ZC3H14: variants seen among roughly 807,000 people sequenced by gnomAD.
ZC3H14 encodes zinc finger CCCH-type containing 14, also known as zinc finger CCCH domain-containing protein 14.
Under a neutral mutation model 92.4 loss-of-function variants are expected in ZC3H14, and 31 were observed. The observed-to-expected ratio is 0.34, with a 90% CI of 0.25 to 0.45. The LOEUF (loss-of-function observed/expected upper bound fraction) is 0.45. Ranked by LOEUF, ZC3H14 falls within the 20% of genes least tolerant of loss-of-function variation. ZC3H14 has a pLI of 1.00. For missense variants in ZC3H14, 781 were observed against 897.3 expected (o/e 0.87, Z 1.66); for synonymous variants, 321 against 300.9 (o/e 1.07, Z -0.69).
Position 88,618,485 on chromosome 14 carries a change from A to G in ZC3H14, c.*6734A>G. ...CACTACAAAAACTTAATAGGAGAAA[A>G]GCTCTGATAAGTGGGGGAGGAAAGG... is the stretch of plus-strand genomic sequence containing the variant. On this transcript the variant is annotated 3_prime_UTR_variant, in exon 17 of 17. Coordinates refer to ENST00000251038, the MANE Select transcript of ZC3H14 (RefSeq NM_024824.5). The G allele has an allele frequency of 9.3e-7, 1 of 1,074,078 alleles. No homozygotes were observed. The highest frequency in any genetic ancestry group is 1.6e-5 in the African/African-American group (1 of 62,892). 66.5% of individuals were successfully genotyped at this position (1,074,078 alleles called of 1,614,324 possible).
At chr14:88,609,906 C>A in intron 15 of ZC3H14, 103 bp downstream of exon 15, 1 of 1,237,452 alleles carries the variant, frequency 8.1e-7, no homozygotes, top group Non-Finnish European at 1.2e-6. Flanking sequence ...AAAGTAATTG[C>A]GATTTTTGCC....
At chr14:88,587,093 A>ATTTCTT (rs2082553894) in intron 9 of ZC3H14, among the ~76,000 whole-genome samples, 1 of 152,136 alleles carries the variant, frequency 6.6e-6, no homozygotes. Flanking sequence ...AATTTTAAGT[A>ATTTCTT]GTAACTTAAA....
chr14:88,570,212 A>C (rs1211096315), intron 3 of ZC3H14, among the ~76,000 whole-genome samples: 1 of 152,192 alleles, frequency 6.6e-6, no homozygotes, highest in Non-Finnish European at 1.5e-5. Flanking sequence ...GTTAGTGTTC[A>C]TTAACACCAG....
chr14:88,571,903 G>T, intron 4 of ZC3H14, 127 bp from the exon 5 acceptor site: 2 of 650,488 alleles, frequency 3.1e-6, no homozygotes, highest in Non-Finnish European at 4.7e-6. Flanking sequence ...TTTGGAGGTT[G>T]CAGGGAGCCG....
rs1406029110 is a variant in ZC3H14 at position 88,609,268 on chromosome 14, G to A, written c.1870G>A (p.Ala624Thr). The change falls in exon 14 of 17, where the codon GCC becomes ACC. Residue 624 changes from alanine (A) to threonine (T), a missense_variant and splice_region_variant. Around this residue, in one of 3 missense-constraint regions of ZC3H14, gnomAD observed 221 missense variants for 304.7 expected, o/e 0.73. Coordinates refer to ENST00000251038, the MANE Select transcript of ZC3H14 (RefSeq NM_024824.5). ...AYHHPISPCKAFPNCKFAEKC... is the reference protein window; with the variant it reads ...AYHHPISPCKTFPNCKFAEKC... ...ATATGCTTTTTTTTTGTTTTGTAGA[G>A]CCTTCCCCAATTGTAAATTTGCTGA... The A allele has an allele frequency of 3.1e-6, 5 of 1,613,484 alleles. No individual in the cohort carries two copies. In the African/African-American group the frequency reaches 6.7e-5, roughly 22 times the overall value.
Position 88,616,162 on chromosome 14 carries a change from A to G in ZC3H14, c.*4411A>G, listed in dbSNP as rs2087578948. 6.2e-7 allele frequency: 1 copy of G among 1,613,930 alleles called. No homozygotes were observed. Among genetic ancestry groups the G allele is most frequent in the East Asian group, 2.2e-5 (1 of 44,876 alleles). On this transcript the variant is annotated 3_prime_UTR_variant, in exon 17 of 17. Transcript: ENST00000251038. ...CTAACCTGCAGTCATCACCTCCAGC[A>G]CTAACAACATGTCGATCACCACTGG... is the stretch of plus-strand genomic sequence containing the variant.
chr14:88,611,778 A>T lies in ZC3H14; in HGVS notation c.*27A>T, dbSNP rs767314058. ...ACCCAGTCCTGCCTGGCAGAAGATC[A>T]TGCAGTTTGGAAGTTTTCATGTACT... is the stretch of plus-strand genomic sequence containing the variant. On this transcript the variant is annotated 3_prime_UTR_variant, in exon 17 of 17. Transcript: ENST00000251038. 3 of 1,611,918 alleles carry T rather than the reference A, an allele frequency of 1.9e-6. No individual in the cohort carries two copies. Among genetic ancestry groups the T allele is most frequent in the Non-Finnish European group, 2.5e-6 (3 of 1,178,162 alleles).
chr14:88,609,034 C>T (rs2086094404), intron 13 of ZC3H14: 1 of 524,188 alleles, frequency 1.9e-6, no homozygotes, highest in African/African-American at 1.9e-5. Flanking sequence ...GCTTGTCTTT[C>T]TTGGTGGCTT....
In ZC3H14 at chr14:88,627,272, G is replaced by C. The variant is rs1405294274; in HGVS notation, c.*15521G>C. The C allele has an allele frequency of 3.6e-6, 2 of 558,434 alleles. No individual in the cohort carries two copies. Among genetic ancestry groups the C allele is most frequent in the African/African-American group, 3.8e-5 (2 of 53,176 alleles). The allele number at this position is 558,434 out of a possible 1,614,324, so 34.6% of individuals were successfully genotyped here. A position where few individuals can be genotyped will look rare whatever the true frequency, so the allele number is the denominator to read the frequency against. On this transcript the variant is annotated 3_prime_UTR_variant, in exon 17 of 17. Coordinates refer to ENST00000251038, the MANE Select transcript of ZC3H14 (RefSeq NM_024824.5). ...TTTCTTTATATAACGTAAATGTTTT[G>C]TCTAAAGTGTGGTAGGTAATATTAT...
chr14:88,603,078 A>G lies in ZC3H14; in HGVS notation c.1747+18A>G, dbSNP rs373657831. ...TTCTAACGGTGTGTTGAGAGCTCAG[A>G]TTTTCAGGGTGCTGTCATTGTGAAG... On this transcript the variant is annotated intron_variant, in intron 12 of 16. Transcript: ENST00000251038. The G allele has an allele frequency of 4.3e-6, 7 of 1,609,512 alleles. No individual in the cohort carries two copies. The highest frequency in any genetic ancestry group is 1.1e-5 in the South Asian group (1 of 90,954).
chr14:88,587,602 T>G (rs369550940), intron 9 of ZC3H14, among the ~76,000 whole-genome samples: 2 of 152,174 alleles, frequency 1.3e-5, no homozygotes, highest in African/African-American at 4.8e-5. Context: ...TAGTTAAGAC[T>G]TAGTCGATTG....
intron 9 of ZC3H14, among the ~76,000 whole-genome samples, chr14:88,585,156 C>A (rs2082325052): frequency 6.6e-6 from 1 of 152,016 alleles, no homozygotes; most frequent in Non-Finnish European, 1.5e-5. Flanking sequence ...GTTTTTTAAT[C>A]TCATCTGAGT....
chr14:88,608,536 A>C, intron 13 of ZC3H14: 1 of 257,270 alleles, frequency 3.9e-6, no homozygotes, highest in Non-Finnish European at 7.6e-6. Context: ...TTGAGAGGCA[A>C]GGGTGGGGGG....
chr14:88,571,930 C>T, intron 4 of ZC3H14, 100 bp from the exon 5 acceptor site: 1 of 1,017,810 alleles, frequency 9.8e-7, no homozygotes, highest in Non-Finnish European at 1.4e-6. Context: ...CGCCACTGCC[C>T]TCCAGCCTGG....
intron 6 of ZC3H14, 73 bp downstream of exon 6, chr14:88,573,080 A>T: frequency 6.6e-7 from 1 of 1,525,972 alleles, no homozygotes. Flanking sequence ...TATATGAAGT[A>T]ACTAAACACA....
chr14:88,622,720 T>G lies in ZC3H14; in HGVS notation c.*10969T>G. 6.3e-7 allele frequency: 1 copy of G among 1,596,412 alleles called. No homozygotes were observed. The highest frequency in any genetic ancestry group is 8.5e-7 in the Non-Finnish European group (1 of 1,171,040). ...TTAACCGCTCCTCCTTCTTTTGACC[T>G]AAGTAAATAACCAAGCCAGAGTAAG... On this transcript the variant is annotated 3_prime_UTR_variant, in exon 17 of 17. Coordinates refer to ENST00000251038, the MANE Select transcript of ZC3H14 (RefSeq NM_024824.5).
intron 8 of ZC3H14, among the ~76,000 whole-genome samples, chr14:88,576,595 C>T (rs1319969092): frequency 1.3e-5 from 2 of 152,194 alleles, no homozygotes; most frequent in African/African-American, 4.8e-5. Flanking sequence ...AAATTCTGTA[C>T]TCTCTGGCCG....
In ZC3H14 at chr14:88,615,673, G is replaced by C. The variant is rs935471289; in HGVS notation, c.*3922G>C. ...TATAGCAAATATTTTGAACAGATCA[G>C]TCTTTCACTATTTTGATGATTCTGG... On this transcript the variant is annotated 3_prime_UTR_variant, in exon 17 of 17. Transcript: ENST00000251038. The C allele has an allele frequency of 5.7e-6, 4 of 707,888 alleles. No individual in the cohort carries two copies. The African/African-American group carries it at 7.2e-5, about 13-fold the overall frequency. The allele number at this position is 707,888 out of a possible 1,614,324, so 43.9% of individuals were successfully genotyped here.
chr14:88,599,416 A>T (rs1280995289), intron 10 of ZC3H14, among the ~76,000 whole-genome samples: 1 of 152,202 alleles, frequency 6.6e-6, no homozygotes, highest in Non-Finnish European at 1.5e-5. Context: ...TCAGGAGGGA[A>T]CAAAAAGTAA....
Sources: allele counts gnomAD v4.1 joint callset (sites outside exome capture counted in the v4.1 genomes callset), GRCh38; gene constraint gnomAD v4.1.1; regional missense constraint gnomAD v4.1.1; transcripts MANE v1.5; gene names NCBI Gene and HGNC (gene_info 2026-07-23, HGNC 2026-07-21).